The following DPP6 variants were observed in gnomAD, a reference collection of about 807,000 sequenced individuals.
DPP6 encodes the protein dipeptidyl peptidase like 6.
In DPP6, 69 loss-of-function variants were observed where a neutral mutation model predicts 122.6. The observed-to-expected ratio is 0.56, with a 90% CI of 0.46 to 0.69. The LOEUF is 0.69. Among genes scored for constraint, DPP6 ranks in the 30% least tolerant of loss-of-function variants. The pLI is 0.00. For synonymous variants in DPP6, 418 were observed against 433.1 expected (o/e 0.97, Z 0.43); for missense variants, 928 against 1,116.9 (o/e 0.83, Z 2.41).
At chr7:154,568,949 A>G (rs1019928246) in intron 5 of DPP6, among the ~76,000 whole-genome samples, 5 of 152,214 alleles carry the variant, frequency 3.3e-5, no homozygotes, top group African/African-American at 9.6e-5. Flanking sequence ...TGACTATTCA[A>G]GCAAGTATTC....
intron 5 of DPP6, among the ~76,000 whole-genome samples, chr7:154,615,922 C>T (rs889226634): frequency 3.3e-5 from 5 of 152,206 alleles, no homozygotes; most frequent in African/African-American, 4.8e-5. Context: ...GTAAGTCTCC[C>T]TCTGCCTGAA....
At chr7:154,102,135 G>T (rs1248081920) in intron 1 of DPP6, among the ~76,000 whole-genome samples, 10 of 151,930 alleles carry the variant, frequency 6.6e-5, no homozygotes, top group Non-Finnish European at 1.0e-4. Context: ...GGCTTTATGG[G>T]TGATGGGCCT....
chr7:153,931,616 C>T (rs1249025276), intron 1 of DPP6, among the ~76,000 whole-genome samples: 1 of 152,214 alleles, frequency 6.6e-6, no homozygotes, highest in South Asian at 2.1e-4. Context: ...CGTGGAGGGC[C>T]TCCGAGGCTG....
At chr7:154,317,545 T>C (rs573432851) in intron 1 of DPP6, among the ~76,000 whole-genome samples, 2 of 152,318 alleles carry the variant, frequency 1.3e-5, no homozygotes, top group South Asian at 2.1e-4. Context: ...CCTAGTTCTA[T>C]AGTGATACTA....
chr7:154,343,239 G>A (rs991188083), intron 1 of DPP6, among the ~76,000 whole-genome samples: 2 of 152,220 alleles, frequency 1.3e-5, no homozygotes, highest in Admixed American at 1.3e-4. Context: ...TTTTACAGAT[G>A]AGAAAACCAA....
At chr7:154,666,206 T>TATAC (rs1428005082) in intron 6 of DPP6, among the ~76,000 whole-genome samples, 2 of 145,476 alleles carry the variant, frequency 1.4e-5, no homozygotes, top group African/African-American at 5.1e-5. Context: ...TATATACACA[T>TATAC]ATACATACAT....
At chr7:154,872,827 C>A (rs184279908) in intron 19 of DPP6, 134 bp downstream of exon 19, 14 of 1,482,436 alleles carry the variant, frequency 9.4e-6, no homozygotes, top group South Asian at 1.3e-5. Context: ...AACATAACAT[C>A]GTTTAGCCCA....
At position 154,892,511 on chromosome 7, in the gene DPP6, C is replaced by G; in HGVS notation, c.*31C>G. The G allele has an allele frequency of 6.4e-7, 1 of 1,555,778 alleles. No homozygotes were observed. Among genetic ancestry groups the G allele is most frequent in the Non-Finnish European group, 8.7e-7 (1 of 1,143,148 alleles). On this transcript the variant is annotated 3_prime_UTR_variant, in exon 26 of 26. Coordinates refer to ENST00000377770, the MANE Select transcript of DPP6 (RefSeq NM_130797.4). ...GGTCGCTCTAAGCACAAACGTGGCT[C>G]TTTCTACAACCAGATGCAACCGAGG...
At position 154,483,167 on chromosome 7, in the gene DPP6, G is replaced by A. The variant is rs140833464; in HGVS notation, c.457+8130G>A. On this transcript the variant is annotated intron_variant, in intron 3 of 25. Coordinates refer to ENST00000377770, the MANE Select transcript of DPP6 (RefSeq NM_130797.4). This position sits in a 1 kb window ranked among gnomAD's most constrained non-coding sequence, Gnocchi z 8.1. ...GAGGCAGGAGGAGAACTTCTACCAC[G>A]CCACGTCAAAGTCAAGGCAGGAGAA... 3.9e-5 allele frequency among the ~76,000 whole-genome samples: 6 copies of A among 152,148 alleles called. No homozygotes were observed. The highest frequency in any genetic ancestry group is 7.2e-5 in the African/African-American group (3 of 41,526).
At chr7:154,001,461 C>T (rs1420626052) in intron 1 of DPP6, among the ~76,000 whole-genome samples, 1 of 147,672 alleles carries the variant, frequency 6.8e-6, no homozygotes, top group Middle Eastern at 3.6e-3. Context: ...ACCATGGCAG[C>T]GGGTTGGCTC....
chr7:154,707,411 C>T (rs1007983494), intron 7 of DPP6, among the ~76,000 whole-genome samples: 10 of 151,988 alleles, frequency 6.6e-5, no homozygotes. Context: ...AGGCAAGAAC[C>T]AATGAAAGAA....
intron 1 of DPP6, among the ~76,000 whole-genome samples, chr7:154,380,073 G>A (rs1386709198): frequency 1.3e-5 from 2 of 152,190 alleles, no homozygotes; most frequent in Non-Finnish European, 2.9e-5. Context: ...TAATGAGGTT[G>A]AGGGGAGAAT....
At chr7:154,789,345 T>C (rs1362147523) in intron 10 of DPP6, among the ~76,000 whole-genome samples, 1 of 152,218 alleles carries the variant, frequency 6.6e-6, no homozygotes, top group Non-Finnish European at 1.5e-5. Context: ...GGTTTGACTT[T>C]CCAAATCTGT....
intron 7 of DPP6, among the ~76,000 whole-genome samples, chr7:154,722,366 A>G (rs1841862333): frequency 1.3e-5 from 2 of 152,242 alleles, no homozygotes; most frequent in African/African-American, 2.4e-5. Flanking sequence ...TGAGCTGGTT[A>G]GATCCAGATT....
intron 1 of DPP6, among the ~76,000 whole-genome samples, chr7:153,939,296 T>A (rs192977278): frequency 1.9e-3 from 283 of 152,302 alleles, no homozygotes; most frequent in South Asian, 3.5e-3. Context: ...AAGCGTTAAG[T>A]CACAGCCATT....
Position 154,122,136 on chromosome 7 carries a change from A to G in DPP6, c.243+69073A>G, listed in dbSNP as rs890588063. 2.0e-5 allele frequency among the ~76,000 whole-genome samples: 3 copies of G among 152,230 alleles called. No individual in the cohort carries two copies. The South Asian group carries it at 6.2e-4, about 32-fold the overall frequency. On this transcript the variant is annotated intron_variant, in intron 1 of 25. Transcript: ENST00000377770. ...AATGGACTCATTTCTCTCCAGACCT[A>G]TGTGAAAGTTGGTTTGACAGTAATT...
At chr7:154,646,001 T>C (rs1238682675) in intron 6 of DPP6, among the ~76,000 whole-genome samples, 3 of 115,322 alleles carry the variant, frequency 2.6e-5, no homozygotes, top group Non-Finnish European at 4.8e-5. Context: ...GCACTCCAGC[T>C]CGGGCGGCAG....
chr7:154,542,742 C>T (rs1246709311), intron 4 of DPP6, among the ~76,000 whole-genome samples: 1 of 152,118 alleles, frequency 6.6e-6, no homozygotes, highest in Non-Finnish European at 1.5e-5. Flanking sequence ...ATTCATTATT[C>T]CTTTCTCAAA....
At chr7:154,067,054 TAGCC>T (rs1296370868) in intron 1 of DPP6, among the ~76,000 whole-genome samples, 2 of 133,626 alleles carry the variant, frequency 1.5e-5, no homozygotes, top group Non-Finnish European at 3.1e-5. Context: ...TAAATTTAAA[TAGCC>T]AGCCACATGG....
Sources: allele counts gnomAD v4.1 joint callset (sites outside exome capture counted in the v4.1 genomes callset), GRCh38; gene constraint gnomAD v4.1.1; non-coding constraint Gnocchi (gnomAD v3.1); transcripts MANE v1.5; gene names NCBI Gene and HGNC (gene_info 2026-07-23, HGNC 2026-07-21).